Variants in CTNNA3 observed in about 807,000 individuals in gnomAD.
CTNNA3 encodes the protein catenin alpha 3.
A neutral mutation model predicts 95.7 loss-of-function variants in CTNNA3; 76 were observed. That is an observed-to-expected ratio of 0.79 (90% CI 0.66 to 0.96). CTNNA3 has a LOEUF of 0.96. CTNNA3 is among the 40% of genes least tolerant of loss of function. The probability of loss-of-function intolerance (pLI) is 0.00; values close to 1 mark genes in which losing one functional copy is unlikely to be tolerated. For synonymous variants in CTNNA3, 431 were observed against 374.4 expected (o/e 1.15, Z -1.74); for missense variants, 1,191 against 1,089.8 (o/e 1.09, Z -1.31).
At chr10:66,225,525 T>A (rs1188535961) in intron 13 of CTNNA3, among the ~76,000 whole-genome samples, 1 of 150,866 alleles carries the variant, frequency 6.6e-6, no homozygotes, top group Non-Finnish European at 1.5e-5. Context: ...TAGAGAATAG[T>A]GTTATAATAA....
At chr10:66,126,403 C>T (rs551915546) in intron 13 of CTNNA3, among the ~76,000 whole-genome samples, 8 of 152,244 alleles carry the variant, frequency 5.3e-5, no homozygotes, top group African/African-American at 1.9e-4. Context: ...GATGTAGAAA[C>T]ATTTATGGAC....
intron 3 of CTNNA3, among the ~76,000 whole-genome samples, chr10:67,562,648 G>T (rs1205368772): frequency 6.6e-6 from 1 of 152,130 alleles, no homozygotes; most frequent in Non-Finnish European, 1.5e-5. Flanking sequence ...GGGCAATCAG[G>T]CAGGAGAAGT....
intron 5 of CTNNA3, among the ~76,000 whole-genome samples, chr10:67,266,741 C>G (rs1424405146): frequency 6.6e-6 from 1 of 152,084 alleles, no homozygotes; most frequent in Non-Finnish European, 1.5e-5. Flanking sequence ...AGATCTATGT[C>G]ACAGCAGGGT....
intron 7 of CTNNA3, among the ~76,000 whole-genome samples, chr10:66,842,545 A>G (rs544691844): frequency 6.6e-6 from 1 of 152,296 alleles, no homozygotes; most frequent in East Asian, 1.9e-4. Context: ...GTAGCCACAA[A>G]GCAAGTAGAG....
intron 6 of CTNNA3, among the ~76,000 whole-genome samples, chr10:67,185,745 G>A (rs1225550241): frequency 6.6e-6 from 1 of 151,986 alleles, no homozygotes; most frequent in African/African-American, 2.4e-5. Flanking sequence ...ATTTAGGCCA[G>A]GTGCAGTGGC....
intron 12 of CTNNA3, among the ~76,000 whole-genome samples, chr10:66,360,862 CTCTTTCTTTT>C (rs749971089): frequency 1.8e-5 from 2 of 109,658 alleles, no homozygotes; most frequent in African/African-American, 6.9e-5. Context: ...TCTTTCCTTT[CTCTTTCTTTT>C]TCTTTCTTTC....
At chr10:67,673,796 C>T (rs1375920926) in intron 1 of CTNNA3, among the ~76,000 whole-genome samples, 3 of 132,380 alleles carry the variant, frequency 2.3e-5, no homozygotes, top group Non-Finnish European at 4.9e-5. Flanking sequence ...AAGTTAATAA[C>T]GGACGTCCGT....
chr10:67,080,942 A>G (rs1791402195), intron 7 of CTNNA3, among the ~76,000 whole-genome samples: 1 of 151,316 alleles, frequency 6.6e-6, no homozygotes. Flanking sequence ...ACAACAAAAA[A>G]AAAAAAACAA....
chr10:66,706,386 C>G (rs932289217), intron 9 of CTNNA3, among the ~76,000 whole-genome samples: 1 of 151,140 alleles, frequency 6.6e-6, no homozygotes, highest in Non-Finnish European at 1.5e-5. Context: ...GACCATATGG[C>G]CCCACTACTC....
chr10:67,678,309 A>C (rs1290178247), intron 1 of CTNNA3, among the ~76,000 whole-genome samples: 1 of 152,138 alleles, frequency 6.6e-6, no homozygotes, highest in Non-Finnish European at 1.5e-5. Flanking sequence ...AAGAAAGTTG[A>C]CTGAAGTGAC....
chr10:66,160,473 A>G, intron 13 of CTNNA3, among the ~76,000 whole-genome samples: 1 of 151,910 alleles, frequency 6.6e-6, no homozygotes, highest in South Asian at 2.1e-4. Context: ...TTTAATTTCC[A>G]TATATTTGCA....
At chr10:66,813,704 G>T (rs1841968952) in intron 7 of CTNNA3, among the ~76,000 whole-genome samples, 1 of 152,152 alleles carries the variant, frequency 6.6e-6, no homozygotes, top group Non-Finnish European at 1.5e-5. Context: ...CCCTTGAAGG[G>T]ATCATAGTCT....
intron 4 of CTNNA3, among the ~76,000 whole-genome samples, chr10:67,529,221 G>T (rs1840243172): frequency 6.6e-6 from 1 of 151,926 alleles, no homozygotes; most frequent in Non-Finnish European, 1.5e-5. Context: ...AAAAAAATCT[G>T]GTGTTTGGTA....
intron 15 of CTNNA3, among the ~76,000 whole-genome samples, chr10:66,007,704 TCCTC>T (rs1207637044): frequency 5.8e-5 from 5 of 86,340 alleles, no homozygotes; most frequent in South Asian, 5.1e-4. Flanking sequence ...GGCTTTTAGA[TCCTC>T]CCTCCCTCCC....
intron 12 of CTNNA3, among the ~76,000 whole-genome samples, chr10:66,339,587 TC>T (rs1233468751): frequency 2.6e-5 from 4 of 151,784 alleles, no homozygotes; most frequent in African/African-American, 9.7e-5. Context: ...AATTCTTATG[TC>T]CTACTTGGTT....
At chr10:66,368,414 T>C (rs1267999031) in intron 12 of CTNNA3, among the ~76,000 whole-genome samples, 2 of 152,000 alleles carry the variant, frequency 1.3e-5, no homozygotes, top group East Asian at 3.9e-4. Context: ...TCTGGATCTT[T>C]TTTTTTTCCC....
At chr10:66,647,577 C>T (rs1162950900) in intron 9 of CTNNA3, among the ~76,000 whole-genome samples, 2 of 150,776 alleles carry the variant, frequency 1.3e-5, no homozygotes, top group African/African-American at 4.9e-5. Context: ...GTGGTGTGAC[C>T]TTGGCTCACT....
chr10:67,556,150 G>T (rs535628010), intron 3 of CTNNA3, among the ~76,000 whole-genome samples: 2 of 152,280 alleles, frequency 1.3e-5, no homozygotes, highest in Admixed American at 6.5e-5. Flanking sequence ...GCTGGATTCG[G>T]TTTGCCAATA....
chr10:67,755,851 T>C (rs1321130231), intron 1 of CTNNA3, among the ~76,000 whole-genome samples: 1 of 143,666 alleles, frequency 7.0e-6, no homozygotes, highest in Non-Finnish European at 1.5e-5. Flanking sequence ...AAAATCAATA[T>C]GCCAAAAAGA....
Sources: gnomAD v4.1 joint callset for allele counts (sites outside exome capture counted in the v4.1 genomes callset) on GRCh38, gnomAD v4.1.1 for gene constraint, MANE v1.5 for transcripts, NCBI Gene and HGNC (gene_info 2026-07-23, HGNC 2026-07-21) for gene names.